The following KCNQ1 variants were observed in gnomAD, a reference collection of about 807,000 sequenced individuals.
KCNQ1 encodes potassium voltage-gated channel subfamily KQT member 1.
KCNQ1 carries 49 observed loss-of-function variants against 72.4 expected under a neutral mutation model. The observed-to-expected ratio is 0.68, with a 90% CI of 0.54 to 0.86. KCNQ1 has a LOEUF of 0.86. Ranked by LOEUF, KCNQ1 falls within the 40% of genes least tolerant of loss-of-function variation. The pLI is 0.00. For missense variants in KCNQ1, 790 were observed against 945.1 expected (o/e 0.84, Z 2.15); for synonymous variants, 450 against 412.6 (o/e 1.09, Z -1.10).
chr11:2,700,837 C>A (rs572356167), intron 11 of KCNQ1, among the ~76,000 whole-genome samples: 2 of 152,296 alleles, frequency 1.3e-5, no homozygotes, highest in East Asian at 3.9e-4. Flanking sequence ...TTGTCCGTCC[C>A]CTCCGCGCCG....
chr11:2,585,326 C>G lies in KCNQ1; in HGVS notation c.1128+19C>G. 1.2e-6 allele frequency: 2 copies of G among 1,604,840 alleles called. No individual in the cohort carries two copies. Among genetic ancestry groups the G allele is most frequent in the Non-Finnish European group, 1.7e-6 (2 of 1,171,916 alleles). On this transcript the variant is annotated intron_variant, in intron 8 of 15. Transcript: ENST00000155840. The stretch of plus-strand genomic sequence containing the variant: ...CATTCAGGTGCGGTGCCTGCAAGGC[C>G]CTGGTCACTGTCATTTTGGTCACTG...
At chr11:2,790,944 C>T (rs1847009477) in intron 15 of KCNQ1, among the ~76,000 whole-genome samples, 1 of 151,226 alleles carries the variant, frequency 6.6e-6, no homozygotes, top group African/African-American at 2.4e-5. Context: ...CTCTTACCCT[C>T]AGCAATCCCC....
chr11:2,795,621 A>G (rs553760611), intron 15 of KCNQ1, among the ~76,000 whole-genome samples: 204 of 152,312 alleles, frequency 1.3e-3, no homozygotes, highest in African/African-American at 4.3e-3. Context: ...CAGCATCCCT[A>G]GAAATCAGAA....
rs1847590328 is a variant in KCNQ1, at chr11:2,815,238, G to T, written c.1795-32529G>T. On this transcript the variant is annotated intron_variant, in intron 15 of 15. Transcript: ENST00000155840. This position sits in a 1 kb window ranked among gnomAD's most constrained non-coding sequence, Gnocchi z 5.4. ...CCTGGGCAGCCTTTATTCTCTAGGGGCCTTGGGGGTGTCTAGGCTGCCACC... is the reference window on the plus strand; with the variant it reads ...CCTGGGCAGCCTTTATTCTCTAGGGTCCTTGGGGGTGTCTAGGCTGCCACC... 6.6e-6 allele frequency among the ~76,000 whole-genome samples: 1 copy of T among 152,158 alleles called. No individual in the cohort carries two copies. Among genetic ancestry groups the T allele is most frequent in the African/African-American group, 2.4e-5 (1 of 41,438 alleles).
chr11:2,541,664 C>T lies in KCNQ1; in HGVS notation c.477+13646C>T, dbSNP rs1283833842. Among the ~76,000 whole-genome samples, 2 of 151,552 alleles carry T rather than the reference C, an allele frequency of 1.3e-5. No homozygotes were observed. The highest frequency in any genetic ancestry group is 4.9e-5 in the African/African-American group (2 of 41,160). ...AACGTTCCCAGAAAGCCCCCTTCTG[C>T]TCAAGTTCTCTTGCTTCATCTCAGG... On this transcript the variant is annotated intron_variant, in intron 2 of 15. Coordinates refer to ENST00000155840, the MANE Select transcript of KCNQ1 (RefSeq NM_000218.3). This position sits in a 1 kb window ranked among gnomAD's most constrained non-coding sequence, Gnocchi z 4.8.
At chr11:2,518,230 A>G (rs1407628507) in intron 1 of KCNQ1, among the ~76,000 whole-genome samples, 1 of 152,254 alleles carries the variant, frequency 6.6e-6, no homozygotes, top group Admixed American at 6.5e-5. Context: ...CTGGCGGTCC[A>G]TGAACTGGTG....
intron 1 of KCNQ1, among the ~76,000 whole-genome samples, chr11:2,474,796 G>C (rs779257481): frequency 1.4e-4 from 17 of 120,074 alleles, no homozygotes; most frequent in Non-Finnish European, 2.7e-4. Flanking sequence ...ATGGCCAGGT[G>C]GATTAGTGCA....
rs114660054 is a variant in KCNQ1, at chr11:2,457,374, G to A, written c.386+11890G>A. 5.3e-3 allele frequency among the ~76,000 whole-genome samples: 811 copies of A among 152,296 alleles called. 5 individuals carry two copies. Among genetic ancestry groups the A allele is most frequent in the African/African-American group, 0.018 (753 of 41,542 alleles). ...AAACATTCATGGCAGAAAGACATGA[G>A]TCAACTCAGGTGCCTGTCAATGGTA... On this transcript the variant is annotated intron_variant, in intron 1 of 15. Coordinates refer to ENST00000155840, the MANE Select transcript of KCNQ1 (RefSeq NM_000218.3). This position sits in a 1 kb window ranked among gnomAD's most constrained non-coding sequence, Gnocchi z 5.0.
At chr11:2,571,602 C>T (rs1483000829) in intron 4 of KCNQ1, among the ~76,000 whole-genome samples, 199 bp downstream of exon 4, 2 of 152,108 alleles carry the variant, frequency 1.3e-5, no homozygotes, top group Non-Finnish European at 2.9e-5. Flanking sequence ...CACGGCTCAA[C>T]CCAAGATGCC....
Position 2,720,186 on chromosome 11 carries a change from T to C in KCNQ1, c.1515-48658T>C, listed in dbSNP as rs1454460226. Reference sequence around the variant, plus strand: ...ATGTTAGACAGCACAGTCTTCCAAATGGACTGTGGGCATGATGGATGTGTA... The same window carrying C: ...ATGTTAGACAGCACAGTCTTCCAAACGGACTGTGGGCATGATGGATGTGTA... On this transcript the variant is annotated intron_variant, in intron 11 of 15. Coordinates refer to ENST00000155840, the MANE Select transcript of KCNQ1 (RefSeq NM_000218.3). The surrounding 1 kb of genome is among the most constrained non-coding windows in gnomAD (Gnocchi z 5.1). 6.6e-6 allele frequency among the ~76,000 whole-genome samples: 1 copy of C among 152,160 alleles called. No homozygotes were observed. The highest frequency in any genetic ancestry group is 1.5e-5 in the Non-Finnish European group (1 of 68,026).
At chr11:2,660,870 A>T in intron 10 of KCNQ1, 1 of 398,680 alleles carries the variant, frequency 2.5e-6, no homozygotes, top group Non-Finnish European at 4.4e-6. Flanking sequence ...AAGAATAAAG[A>T]TGAATATGGC....
At position 2,619,111 on chromosome 11, in the gene KCNQ1, T is replaced by C. The variant is rs1849119773; in HGVS notation, c.1393+30257T>C. 1.0e-5 allele frequency: 4 copies of C among 398,550 alleles called. No homozygotes were observed. The South Asian group carries it at 5.1e-4, about 51-fold the overall frequency. 24.7% of individuals were successfully genotyped at this position (398,550 alleles called of 1,614,324 possible). A position where few individuals can be genotyped will look rare whatever the true frequency, so the allele number is the denominator to read the frequency against. ...GGGGTTTTCTATATGTAGGATCATGTCATCTTCATATAAAGATAATATTAC... is the reference window on the plus strand; with the variant it reads ...GGGGTTTTCTATATGTAGGATCATGCCATCTTCATATAAAGATAATATTAC... On this transcript the variant is annotated intron_variant, in intron 10 of 15. Transcript: ENST00000155840.
At chr11:2,825,994 C>A (rs1242779329) in intron 15 of KCNQ1, among the ~76,000 whole-genome samples, 1 of 152,212 alleles carries the variant, frequency 6.6e-6, no homozygotes, top group Non-Finnish European at 1.5e-5. Context: ...AGTACCCTCT[C>A]CCCGAGGCCT....
In KCNQ1 at chr11:2,484,968, A is replaced by G. The variant is rs879669937; in HGVS notation, c.386+39484A>G. On this transcript the variant is annotated intron_variant, in intron 1 of 15. Coordinates refer to ENST00000155840, the MANE Select transcript of KCNQ1 (RefSeq NM_000218.3). The surrounding 1 kb of genome is among the most constrained non-coding windows in gnomAD (Gnocchi z 5.2). ...CTCGTCCAACCCCAGCTGCAAGGGA[A>G]CTGGCTCCATACTTGCTGATGCGTG... 6.6e-6 allele frequency among the ~76,000 whole-genome samples: 1 copy of G among 152,066 alleles called. No individual in the cohort carries two copies. The highest frequency in any genetic ancestry group is 1.5e-5 in the Non-Finnish European group (1 of 67,998).
rs1056875637 is a variant in KCNQ1 at position 2,668,768 on chromosome 11, A to G, written c.1514+6687A>G. The G allele has an allele frequency of 5.0e-6, 2 of 398,404 alleles. No homozygotes were observed. Among genetic ancestry groups the G allele is most frequent in the African/African-American group, 4.1e-5 (2 of 48,586 alleles). The allele number at this position is 398,404 out of a possible 1,614,324, so 24.7% of individuals were successfully genotyped here. A position where few individuals can be genotyped will look rare whatever the true frequency, so the allele number is the denominator to read the frequency against. ...TGCAGGCTGCCTTCTTCCTCTCTTG[A>G]TGGTGTCTTTTGATGAACAGAAGGT... On this transcript the variant is annotated intron_variant, in intron 11 of 15. Transcript: ENST00000155840. The surrounding 1 kb of genome is among the most constrained non-coding windows in gnomAD (Gnocchi z 4.3).
At chr11:2,692,095 C>T (rs905838110) in intron 11 of KCNQ1, 5 of 398,610 alleles carry the variant, frequency 1.3e-5, no homozygotes, top group Non-Finnish European at 2.2e-5. Flanking sequence ...CCCCCACCTC[C>T]TCTCCACAGC....
chr11:2,469,411 C>A (rs1353124977), intron 1 of KCNQ1, among the ~76,000 whole-genome samples: 10 of 151,898 alleles, frequency 6.6e-5, no homozygotes, highest in Admixed American at 3.9e-4. Context: ...GTAGTTGGGA[C>A]TACAGATGCC....
chr11:2,693,703 T>C, intron 11 of KCNQ1: 1 of 398,652 alleles, frequency 2.5e-6, no homozygotes, highest in Non-Finnish European at 4.4e-6. Flanking sequence ...TCCAGCCTCA[T>C]GGGCCTTCCT....
intron 10 of KCNQ1, chr11:2,638,302 G>C (rs1317339264): frequency 6.6e-6 from 1 of 152,212 alleles, no homozygotes; most frequent in Non-Finnish European, 1.5e-5. Context: ...TGTTTTTGCA[G>C]TGGCTGGTAC....
Sources: gnomAD v4.1 joint callset for allele counts (sites outside exome capture counted in the v4.1 genomes callset) on GRCh38, gnomAD v4.1.1 for gene constraint, Gnocchi (gnomAD v3.1) non-coding constraint, MANE v1.5 for transcripts, NCBI Gene and HGNC (gene_info 2026-07-23, HGNC 2026-07-21) for gene names.